CCSER1: variants seen among roughly 807,000 people sequenced by gnomAD.
CCSER1 encodes the protein serine-rich coiled-coil domain-containing protein 1.
CCSER1 carries 41 observed loss-of-function variants against 82.0 expected under a neutral mutation model. The ratio of observed to expected loss-of-function variants is 0.50; its 90% CI spans 0.39 to 0.65. CCSER1 has a LOEUF of 0.65. Among genes scored for constraint, CCSER1 ranks in the 30% least tolerant of loss-of-function variants. The probability of loss-of-function intolerance (pLI) is 0.00; values close to 1 mark genes in which losing one functional copy is unlikely to be tolerated. For synonymous variants in CCSER1, 414 were observed against 383.9 expected, an observed-to-expected ratio of 1.08 and a Z score of -0.92; for missense variants, 1,119 against 1,064.2, an observed-to-expected ratio of 1.05 and a Z score of -0.72.
At chr4:90,941,612 A>G (rs1731591367) in intron 9 of CCSER1, among the ~76,000 whole-genome samples, 1 of 152,152 alleles carries the variant, frequency 6.6e-6, no homozygotes, top group Admixed American at 6.5e-5. Context: ...TTTTGAGCTT[A>G]CTTCTCCTTA....
intron 10 of CCSER1, among the ~76,000 whole-genome samples, chr4:91,508,362 A>G (rs574246686): frequency 6.6e-6 from 1 of 151,878 alleles, no homozygotes; most frequent in East Asian, 1.9e-4. Flanking sequence ...TGAGATGATC[A>G]TGTGGTTTAC....
intron 10 of CCSER1, among the ~76,000 whole-genome samples, chr4:91,499,046 T>C (rs1398648297): frequency 6.6e-6 from 1 of 151,920 alleles, no homozygotes; most frequent in Non-Finnish European, 1.5e-5. Flanking sequence ...TATGTGCCCT[T>C]CTATACTTAT....
chr4:90,909,808 A>C (rs551141458), intron 8 of CCSER1, among the ~76,000 whole-genome samples: 1 of 152,336 alleles, frequency 6.6e-6, no homozygotes, highest in African/African-American at 2.4e-5. Flanking sequence ...ATCCATTATT[A>C]GTGAAACTTT....
chr4:90,435,182 A>G (rs887656564), intron 4 of CCSER1, among the ~76,000 whole-genome samples: 11 of 152,170 alleles, frequency 7.2e-5, no homozygotes, highest in African/African-American at 2.4e-4. Context: ...ATAAATATAT[A>G]TGCGTGAAGA....
intron 9 of CCSER1, among the ~76,000 whole-genome samples, chr4:91,081,009 A>T (rs1462084687): frequency 6.6e-6 from 1 of 152,196 alleles, no homozygotes; most frequent in Non-Finnish European, 1.5e-5. Flanking sequence ...TGCCTTCTGA[A>T]ATTATTCCAA....
intron 10 of CCSER1, among the ~76,000 whole-genome samples, chr4:91,566,208 A>T (rs1204396274): frequency 6.6e-6 from 1 of 152,072 alleles, no homozygotes; most frequent in Non-Finnish European, 1.5e-5. Flanking sequence ...ATTTGCATAT[A>T]TTGAACCAAC....
At chr4:91,053,078 A>G (rs1261376175) in intron 9 of CCSER1, among the ~76,000 whole-genome samples, 1 of 152,180 alleles carries the variant, frequency 6.6e-6, no homozygotes, top group Non-Finnish European at 1.5e-5. Flanking sequence ...ATAGTTTTCA[A>G]TTTCTGCAAT....
intron 9 of CCSER1, among the ~76,000 whole-genome samples, chr4:91,026,990 A>G (rs1740541837): frequency 6.6e-6 from 1 of 152,012 alleles, no homozygotes; most frequent in African/African-American, 2.4e-5. Context: ...AATTTTTAAA[A>G]CAAAAATTTT....
chr4:91,416,249 T>A (rs1753356940), intron 10 of CCSER1, among the ~76,000 whole-genome samples: 2 of 152,062 alleles, frequency 1.3e-5, no homozygotes, highest in African/African-American at 4.8e-5. Flanking sequence ...ATAGGAAGAA[T>A]CAATATTGTG....
At chr4:91,478,338 A>C (rs1757704069) in intron 10 of CCSER1, among the ~76,000 whole-genome samples, 1 of 151,916 alleles carries the variant, frequency 6.6e-6, no homozygotes, top group Non-Finnish European at 1.5e-5. Context: ...TGTTTTTATT[A>C]ATCTTAAATA....
chr4:91,023,652 T>C (rs1425342084), intron 9 of CCSER1, among the ~76,000 whole-genome samples: 1 of 152,114 alleles, frequency 6.6e-6, no homozygotes, highest in Non-Finnish European at 1.5e-5. Context: ...ATACCAAAAT[T>C]AATTCAAGTT....
chr4:90,455,223 T>C (rs988833518), intron 4 of CCSER1, among the ~76,000 whole-genome samples: 1 of 152,228 alleles, frequency 6.6e-6, no homozygotes, highest in Non-Finnish European at 1.5e-5. Flanking sequence ...GTATTAAAAT[T>C]AATACTTCAT....
chr4:90,388,290 G>A (rs1239322827), intron 3 of CCSER1, among the ~76,000 whole-genome samples: 4 of 151,576 alleles, frequency 2.6e-5, no homozygotes, highest in Non-Finnish European at 4.4e-5. Context: ...TATCACTTGA[G>A]TACAAGTGAT....
At chr4:91,386,150 C>T (rs1751272776) in intron 10 of CCSER1, among the ~76,000 whole-genome samples, 1 of 151,300 alleles carries the variant, frequency 6.6e-6, no homozygotes, top group Admixed American at 6.6e-5. Flanking sequence ...CCCAGGGTTC[C>T]ACCAAGAAAT....
intron 8 of CCSER1, among the ~76,000 whole-genome samples, chr4:90,847,079 C>T (rs1435481986): frequency 2.0e-5 from 3 of 152,136 alleles, no homozygotes; most frequent in African/African-American, 7.2e-5. Context: ...AAATTATTTA[C>T]CAATATGTTC....
chr4:91,271,414 C>A (rs1038827339), intron 10 of CCSER1, among the ~76,000 whole-genome samples: 2 of 152,106 alleles, frequency 1.3e-5, no homozygotes, highest in African/African-American at 4.8e-5. Context: ...ATCTCTCACC[C>A]CCTTCCCACC....
chr4:91,339,472 G>A (rs760152821), intron 10 of CCSER1, among the ~76,000 whole-genome samples: 2 of 152,002 alleles, frequency 1.3e-5, no homozygotes, highest in African/African-American at 2.4e-5. Context: ...CTGACTTAAG[G>A]CTGTTGGATT....
chr4:90,690,184 T>G (rs1430535757), intron 6 of CCSER1, among the ~76,000 whole-genome samples: 2 of 152,034 alleles, frequency 1.3e-5, no homozygotes, highest in African/African-American at 4.8e-5. Context: ...CTTAAAAATA[T>G]GAGTGTGATA....
chr4:90,571,314 G>T (rs1257990403), intron 5 of CCSER1, among the ~76,000 whole-genome samples: 1 of 152,088 alleles, frequency 6.6e-6, no homozygotes, highest in African/African-American at 2.4e-5. Flanking sequence ...CAATAGTAAA[G>T]GGATGGAAGC....
Sources: allele counts gnomAD v4.1 joint callset (sites outside exome capture counted in the v4.1 genomes callset), GRCh38; gene constraint gnomAD v4.1.1; transcripts MANE v1.5; gene names NCBI Gene and HGNC (gene_info 2026-07-23, HGNC 2026-07-21).